NPM1: variants seen among roughly 807,000 people sequenced by gnomAD.
NPM1 encodes the protein nucleophosmin 1.
NPM1 carries 1 observed loss-of-function variant against 44.1 expected under a neutral mutation model. That is an observed-to-expected ratio of 0.02 (90% CI 0.01 to 0.11). The LOEUF is 0.11. Among genes scored for constraint, NPM1 ranks in the 10% least tolerant of loss-of-function variants. The pLI is 1.00. For missense variants in NPM1, 197 were observed against 347.8 expected, an observed-to-expected ratio of 0.57 and a Z score of 3.45; for synonymous variants, 126 against 111.8, an observed-to-expected ratio of 1.13 and a Z score of -0.80.
At chr5:171,394,399 C>T (rs1279659155) in intron 6 of NPM1, among the ~76,000 whole-genome samples, 3 of 152,068 alleles carry the variant, frequency 2.0e-5, no homozygotes, top group Non-Finnish European at 4.4e-5. Context: ...TTCTCAAACT[C>T]CTAACCTCGG....
rs1339088949 is a variant in NPM1 at position 171,410,560 on chromosome 5, C to G, written c.880C>G (p.Leu294Val). ...AGATCTCTGGCAGTGGAGGAAGTCT[C>G]TTTAAGAAAATAGTTTAAACAATTT... ...IQDLWQWRKSL is the reference protein window; with the variant it reads ...IQDLWQWRKSV Residue 294 changes from leucine (L) to valine (V), a missense_variant, in exon 11 of 11, where the codon CTT becomes GTT. Physicochemically the swap from Leu to Val is conservative, Grantham distance 32 (BLOSUM62 1). Around this residue, in one of 5 missense-constraint regions of NPM1, gnomAD observed 47 missense variants for 106.5 expected, o/e 0.44. Transcript: ENST00000296930. 1.3e-6 allele frequency: 2 copies of G among 1,549,072 alleles called. No individual in the cohort carries two copies. Among genetic ancestry groups the G allele is most frequent in the Non-Finnish European group, 1.7e-6 (2 of 1,151,710 alleles).
intron 4 of NPM1, 27 bp from the exon 5 acceptor site, chr5:171,392,683 T>A (rs1421281626): frequency 5.3e-6 from 8 of 1,509,404 alleles, no homozygotes; most frequent in Middle Eastern, 1.7e-4. Context: ...GCTTGAGTTT[T>A]ATAATGTCTA....
intron 1 of NPM1, 32 bp from the exon 2 acceptor site, chr5:171,390,019 C>T: frequency 1.5e-6 from 2 of 1,343,970 alleles, no homozygotes; most frequent in Non-Finnish European, 2.1e-6. Context: ...TATTTTTCTC[C>T]TTGTTAGAGT....
intron 8 of NPM1, among the ~76,000 whole-genome samples, chr5:171,402,256 C>G (rs1361503700): frequency 6.6e-6 from 1 of 150,706 alleles, no homozygotes; most frequent in Non-Finnish European, 1.5e-5. Context: ...ATATGAAAAA[C>G]AGCTCAATAT....
intron 4 of NPM1, 37 bp from the exon 5 acceptor site, chr5:171,392,673 G>A (rs763025529): frequency 1.4e-6 from 2 of 1,387,430 alleles, no homozygotes; most frequent in South Asian, 1.3e-5. Context: ...ACTTCTTGCT[G>A]CTTGAGTTTT....
Position 171,407,287 on chromosome 5 carries a change from T to C in NPM1, c.772-413T>C, listed in dbSNP as rs147702097. On this transcript the variant is annotated intron_variant, in intron 9 of 10. Transcript: ENST00000296930. ...GTGGTCAGCAAGTGTTTTGTGGGGT[T>C]TTGTTTGTTTGTTTTTAAAGAACAG... Among the ~76,000 whole-genome samples, 294 of 152,270 alleles carry C rather than the reference T, an allele frequency of 1.9e-3. 2 individuals carry two copies. The highest frequency in any genetic ancestry group is 6.4e-3 in the African/African-American group (267 of 41,540).
intron 9 of NPM1, 39 bp downstream of exon 9, chr5:171,405,442 T>G: frequency 2.2e-6 from 2 of 890,040 alleles, no homozygotes; most frequent in Non-Finnish European, 3.7e-6. Flanking sequence ...GTCTCCCCCC[T>G]CAAATTGCAC....
intron 6 of NPM1, among the ~76,000 whole-genome samples, chr5:171,398,524 C>T (rs571108903): frequency 7.9e-5 from 12 of 152,228 alleles, no homozygotes; most frequent in South Asian, 2.1e-4. Flanking sequence ...CCTGTAATCC[C>T]GGCACTTTGA....
chr5:171,404,888 T>A (rs994399234), intron 8 of NPM1, among the ~76,000 whole-genome samples: 2 of 152,192 alleles, frequency 1.3e-5, no homozygotes, highest in African/African-American at 4.8e-5. Flanking sequence ...CCTGATTTCC[T>A]TTTTTGAACT....
chr5:171,397,590 A>C (rs62383964), intron 6 of NPM1, among the ~76,000 whole-genome samples: 2 of 151,552 alleles, frequency 1.3e-5, no homozygotes, highest in Non-Finnish European at 2.9e-5. Flanking sequence ...GTTTTTGCCC[A>C]CTTAAATCCA....
chr5:171,395,659 T>C (rs1770843468), intron 6 of NPM1, among the ~76,000 whole-genome samples: 1 of 152,078 alleles, frequency 6.6e-6, no homozygotes, highest in South Asian at 2.1e-4. Context: ...GAAACTTCAG[T>C]GGTGAGATGG....
chr5:171,387,888 G>C lies in NPM1; in HGVS notation c.-61G>C, dbSNP rs947108245. On this transcript the variant is annotated 5_prime_UTR_variant, in exon 1 of 11. Coordinates refer to ENST00000296930, the MANE Select transcript of NPM1 (RefSeq NM_002520.7). ...ATTCCGTCCTGCGCGGTTGTTCTCT[G>C]GAGCAGCGTTCTTTTATCTCCGTCC... 2.0e-6 allele frequency: 3 copies of C among 1,520,556 alleles called. No individual in the cohort carries two copies. The South Asian group carries it at 3.4e-5, about 17-fold the overall frequency. 94.2% of individuals were successfully genotyped at this position (1,520,556 alleles called of 1,614,324 possible).
At chr5:171,404,759 C>T (rs1056366459) in intron 8 of NPM1, among the ~76,000 whole-genome samples, 2 of 148,790 alleles carry the variant, frequency 1.3e-5, no homozygotes, top group South Asian at 2.2e-4. Context: ...GCTGCAATCT[C>T]GGCACTTTGG....
At chr5:171,394,041 C>CTTTTTTTTTTTTT (rs144186175) in intron 6 of NPM1, among the ~76,000 whole-genome samples, 12 of 97,076 alleles carry the variant, frequency 1.2e-4, no homozygotes, top group East Asian at 3.5e-4. Flanking sequence ...TTTTTGTTTT[C>CTTTTTTTTTTTTT]TTTTTTTTTT....
At chr5:171,407,447 A>C (rs1177210781) in intron 9 of NPM1, 1 of 477,158 alleles carries the variant, frequency 2.1e-6, no homozygotes, top group African/African-American at 2.0e-5. Flanking sequence ...AGTGTAGCTT[A>C]TATTTTATGT....
At position 171,397,343 on chromosome 5, in the gene NPM1, T is replaced by A. The variant is rs569383084; in HGVS notation, c.525-2810T>A. 2.6e-5 allele frequency among the ~76,000 whole-genome samples: 4 copies of A among 152,326 alleles called. No homozygotes were observed. The East Asian group carries it at 7.7e-4, about 29-fold the overall frequency. ...ACTGCTATGAACGCTTGTAGACATG[T>A]CATTTTACTTGGATGTACACCTAAA... is the stretch of plus-strand genomic sequence containing the variant. On this transcript the variant is annotated intron_variant, in intron 6 of 10. Transcript: ENST00000296930.
In NPM1 at chr5:171,400,904, A is replaced by T. The variant is rs777747760; in HGVS notation, c.648A>T (p.Pro216=). 2 of 1,611,988 alleles carry T rather than the reference A, an allele frequency of 1.2e-6. No homozygotes were observed. The highest frequency in any genetic ancestry group is 1.7e-6 in the Non-Finnish European group (2 of 1,178,746). The part of the protein sequence containing the change: ...KSNQNGKDSK[P]SSTPRSKGQE... ...ATCAGAATGGAAAAGACTCAAAACCATCATCAACACCAAGATCAAAAGTAA... is the reference window on the plus strand; with the variant it reads ...ATCAGAATGGAAAAGACTCAAAACCTTCATCAACACCAAGATCAAAAGTAA... Residue 216 remains proline, a synonymous_variant, in exon 8 of 11, where the codon CCA becomes CCT. Coordinates refer to ENST00000296930, the MANE Select transcript of NPM1 (RefSeq NM_002520.7).
chr5:171,396,230 C>G (rs1194685703), intron 6 of NPM1, among the ~76,000 whole-genome samples: 1 of 152,146 alleles, frequency 6.6e-6, no homozygotes, highest in Admixed American at 6.5e-5. Context: ...ATCTGCCCAC[C>G]CCAGCCTCCC....
At chr5:171,400,722 A>C in intron 7 of NPM1, 117 bp from the exon 8 acceptor site, 1 of 662,960 alleles carries the variant, frequency 1.5e-6, no homozygotes, top group Non-Finnish European at 2.7e-6. Context: ...CTGGGATTAC[A>C]GGCATGAGCC....
Sources: allele counts gnomAD v4.1 joint callset (sites outside exome capture counted in the v4.1 genomes callset), GRCh38; gene constraint gnomAD v4.1.1; regional missense constraint gnomAD v4.1.1; transcripts MANE v1.5; gene names NCBI Gene and HGNC (gene_info 2026-07-23, HGNC 2026-07-21).